The following AAK1 variants were observed in gnomAD, a reference collection of about 807,000 sequenced individuals.
AAK1 encodes AP2 associated kinase 1.
A neutral mutation model predicts 116.0 loss-of-function variants in AAK1; 37 were observed. The ratio of observed to expected loss-of-function variants is 0.32; its 90% CI spans 0.25 to 0.42. The LOEUF is 0.42. Among genes scored for constraint, AAK1 ranks in the 10% least tolerant of loss-of-function variants. The probability of loss-of-function intolerance (pLI) is 1.00; values close to 1 mark genes in which losing one functional copy is unlikely to be tolerated. For synonymous variants in AAK1, 458 were observed against 439.9 expected (o/e 1.04, Z -0.51); for missense variants, 919 against 1,170.6 (o/e 0.79, Z 3.14).
intron 16 of AAK1, among the ~76,000 whole-genome samples, chr2:69,502,391 G>T (rs1021529859): frequency 2.6e-5 from 4 of 152,030 alleles, no homozygotes; most frequent in Non-Finnish European, 4.4e-5. Context: ...GGAGGCTGAG[G>T]CGGGAGGATC....
In AAK1 at chr2:69,606,520, T is replaced by G. The variant is rs376861968; in HGVS notation, c.163+36358A>C. Among the ~76,000 whole-genome samples, 229 of 152,290 alleles carry G rather than the reference T, an allele frequency of 1.5e-3. 2 individuals carry two copies. The highest frequency in any genetic ancestry group is 3.4e-3 in the Middle Eastern group (1 of 294). On this transcript the variant is annotated intron_variant, in intron 2 of 21. Transcript: ENST00000409085. ...AATGAATGAATGAATGATAAAAATC[T>G]GTAGGTCACTTGAAAACATTTTAAG...
chr2:69,564,728 T>G (rs192466638), intron 2 of AAK1, among the ~76,000 whole-genome samples: 161 of 152,286 alleles, frequency 1.1e-3, no homozygotes, highest in Non-Finnish European at 2.1e-3. Flanking sequence ...GGCTTTCACT[T>G]CATGCTAAAG....
chr2:69,620,824 G>A (rs1309283951), intron 2 of AAK1, among the ~76,000 whole-genome samples: 2 of 152,124 alleles, frequency 1.3e-5, no homozygotes, highest in Non-Finnish European at 2.9e-5. Flanking sequence ...TCTGACTCTT[G>A]ACTAGTGATT....
At chr2:69,476,817 T>C in intron 21 of AAK1, 63 bp downstream of exon 21, 1 of 1,147,862 alleles carries the variant, frequency 8.7e-7, no homozygotes. Context: ...GCAGATTAGG[T>C]GCATGACTAT....
At chr2:69,622,923 A>G (rs1674719705) in intron 2 of AAK1, among the ~76,000 whole-genome samples, 1 of 152,122 alleles carries the variant, frequency 6.6e-6, no homozygotes, top group African/African-American at 2.4e-5. Context: ...TCTCTGTAAA[A>G]CAGACCAATC....
rs905282577 is a variant in AAK1, at chr2:69,601,223, T to C, written c.163+41655A>G. 1.4e-4 allele frequency among the ~76,000 whole-genome samples: 21 copies of C among 152,336 alleles called. 3 individuals are homozygous for C. The highest frequency in any genetic ancestry group is 2.9e-4 in the African/African-American group (12 of 41,584). ...GCCCAAGTATACCACTGGGTGTTTT[T>C]AATATTTCTTCATATGACACACAGT... is the stretch of plus-strand genomic sequence containing the variant. On this transcript the variant is annotated intron_variant, in intron 2 of 21. Coordinates refer to ENST00000409085, the MANE Select transcript of AAK1 (RefSeq NM_014911.5).
chr2:69,602,796 A>G (rs1673636037), intron 2 of AAK1, among the ~76,000 whole-genome samples: 2 of 152,202 alleles, frequency 1.3e-5, no homozygotes, highest in Admixed American at 1.3e-4. Flanking sequence ...AACTAAGCTC[A>G]CTAAAAAAAG....
rs538608302 is a variant in AAK1, at chr2:69,537,304, G to T, written c.535-5142C>A. ...AATATAGAACAGCACTTCTGCTATG[G>T]TTATTTTTAGAACATAAGCTGCTTA... On this transcript the variant is annotated intron_variant, in intron 5 of 21. Transcript: ENST00000409085. Among the ~76,000 whole-genome samples, 275 of 152,336 alleles carry T rather than the reference G, an allele frequency of 1.8e-3. 2 individuals carry two copies. Among genetic ancestry groups the T allele is most frequent in the Non-Finnish European group, 2.8e-3 (190 of 68,028 alleles).
At chr2:69,501,676 A>G (rs977286841) in intron 16 of AAK1, among the ~76,000 whole-genome samples, 1 of 152,234 alleles carries the variant, frequency 6.6e-6, no homozygotes, top group Non-Finnish European at 1.5e-5. Context: ...AAATATAAGA[A>G]AAACAAGAAA....
At chr2:69,559,553 T>C (rs1292431864) in intron 2 of AAK1, among the ~76,000 whole-genome samples, 2 of 152,242 alleles carry the variant, frequency 1.3e-5, no homozygotes, top group East Asian at 3.8e-4. Context: ...ATTCACTTCA[T>C]TGATATTTAG....
At chr2:69,549,325 T>C (rs529218541) in intron 3 of AAK1, among the ~76,000 whole-genome samples, 2 of 152,288 alleles carry the variant, frequency 1.3e-5, no homozygotes, top group South Asian at 2.1e-4. Flanking sequence ...GCCGAGATTA[T>C]GCCACTGCAC....
At chr2:69,623,844 C>G (rs906786013) in intron 2 of AAK1, among the ~76,000 whole-genome samples, 1 of 151,628 alleles carries the variant, frequency 6.6e-6, no homozygotes, top group Non-Finnish European at 1.5e-5. Flanking sequence ...CTGCAAAAAG[C>G]CCACTATTAA....
chr2:69,542,523 C>T lies in AAK1; in HGVS notation c.534G>A (p.Lys178=). 6.2e-7 allele frequency: 1 copy of T among 1,613,594 alleles called. No homozygotes were observed. The highest frequency in any genetic ancestry group is 8.5e-7 in the Non-Finnish European group (1 of 1,179,738). Residue 178 remains lysine, a splice_region_variant and synonymous_variant, in exon 5 of 22, where the codon AAG becomes AAA. Transcript: ENST00000409085. ...CGTAATGAAAGAGTGTGGTCTGTAC[C>T]TTCAGGTCCCGGTGGATAATAGGAG... ...CKTPIIHRDL[K]VENILLHDRG...
chr2:69,476,206 A>G (rs1157229756), intron 21 of AAK1, among the ~76,000 whole-genome samples: 1 of 152,206 alleles, frequency 6.6e-6, no homozygotes, highest in Non-Finnish European at 1.5e-5. Context: ...ACACCACAGT[A>G]TAGGTAGGAC....
At chr2:69,634,708 T>G (rs1675371920) in intron 2 of AAK1, among the ~76,000 whole-genome samples, 1 of 138,304 alleles carries the variant, frequency 7.2e-6, no homozygotes, top group Admixed American at 7.9e-5. Flanking sequence ...GCAATGGTTA[T>G]GAAAGATTTC....
chr2:69,505,514 AC>A (rs1395244646), intron 16 of AAK1, 54 bp downstream of exon 16: 13 of 1,435,120 alleles, frequency 9.1e-6, no homozygotes, highest in Non-Finnish European at 1.3e-5. Context: ...GGAGTAAAAA[AC>A]AGTGTGAAGG....
intron 2 of AAK1, among the ~76,000 whole-genome samples, chr2:69,628,461 A>G (rs1456351184): frequency 3.3e-5 from 5 of 152,086 alleles, no homozygotes; most frequent in African/African-American, 1.2e-4. Context: ...CACATAAGAC[A>G]AGCTCAGAGA....
rs144725018 is a variant in AAK1 at position 69,486,775 on chromosome 2, T to C, written c.2366-3963A>G. ...ATCAGAGACTATGAGAATGTGCAAC[T>C]TGCCCAAAGTCACAGATTAGACATG... On this transcript the variant is annotated intron_variant, in intron 17 of 21. Coordinates refer to ENST00000409085, the MANE Select transcript of AAK1 (RefSeq NM_014911.5). Among the ~76,000 whole-genome samples the C allele has an allele frequency of 2.0e-5, 3 of 152,328 alleles. No homozygotes were observed. In the East Asian group the frequency reaches 5.8e-4, roughly 29 times the overall value.
At chr2:69,608,575 G>A (rs1471431286) in intron 2 of AAK1, among the ~76,000 whole-genome samples, 1 of 152,156 alleles carries the variant, frequency 6.6e-6, no homozygotes, top group East Asian at 1.9e-4. Flanking sequence ...TTAAAACTTT[G>A]AATACTGGTT....
Sources: allele counts gnomAD v4.1 joint callset (sites outside exome capture counted in the v4.1 genomes callset), GRCh38; gene constraint gnomAD v4.1.1; transcripts MANE v1.5; gene names NCBI Gene and HGNC (gene_info 2026-07-23, HGNC 2026-07-21).